Variants in DLG3 observed in about 807,000 individuals in gnomAD.
DLG3 encodes discs large MAGUK scaffold protein 3, also known as disks large homolog 3.
A neutral mutation model predicts 64.1 loss-of-function variants in DLG3; 1 was observed. That is an observed-to-expected ratio of 0.02 (90% CI 0.01 to 0.07). The LOEUF (loss-of-function observed/expected upper bound fraction) is 0.07. Ranked by LOEUF, DLG3 falls within the 10% of genes least tolerant of loss-of-function variation. The probability of loss-of-function intolerance (pLI) is 1.00; values close to 1 mark genes in which losing one functional copy is unlikely to be tolerated. For synonymous variants in DLG3, 245 were observed against 259.8 expected, an observed-to-expected ratio of 0.94 and a Z score of 0.55; for missense variants, 429 against 669.5, an observed-to-expected ratio of 0.64 and a Z score of 3.96.
chrX:70,491,160 G>A (rs771076378), intron 10 of DLG3, among the ~76,000 whole-genome samples: 2 of 111,551 alleles, frequency 1.8e-5, no homozygotes, highest in African/African-American at 6.5e-5. Context: ...TGATCCACCC[G>A]CCTCAGCCTC....
At chrX:70,456,428 G>A (rs764380697) in intron 9 of DLG3, among the ~76,000 whole-genome samples, 14 of 112,263 alleles carry the variant, frequency 1.2e-4, no homozygotes, top group Non-Finnish European at 2.4e-4. Context: ...ACTGTGAATT[G>A]TGTGTGGTGG....
At chrX:70,492,012 C>T in intron 10 of DLG3, 95 bp from the exon 11 acceptor site, 1 of 894,699 alleles carries the variant, frequency 1.1e-6, no homozygotes, top group South Asian at 2.1e-5. Context: ...GCTGCTATGT[C>T]TGTGCTGTTT....
At chrX:70,446,357 G>A (rs1449240803) in intron 1 of DLG3, among the ~76,000 whole-genome samples, 1 of 107,720 alleles carries the variant, frequency 9.3e-6, no homozygotes, top group Non-Finnish European at 1.9e-5. Context: ...CCCAAGCAAG[G>A]CTGAGAGGCT....
intron 9 of DLG3, chrX:70,455,205 G>C: frequency 1.3e-6 from 1 of 754,653 alleles, no homozygotes; most frequent in African/African-American, 2.3e-5. Flanking sequence ...GCGGGACGGA[G>C]GGACTGGCCG....
chrX:70,485,297 G>A (rs560257052), intron 10 of DLG3, among the ~76,000 whole-genome samples: 13 of 111,921 alleles, frequency 1.2e-4, no homozygotes, highest in African/African-American at 2.9e-4. Context: ...CACTTTGGCG[G>A]TGTAATATGA....
intron 10 of DLG3, among the ~76,000 whole-genome samples, chrX:70,491,815 G>A (rs941505795): frequency 8.9e-6 from 1 of 112,440 alleles, no homozygotes; most frequent in African/African-American, 3.2e-5. Flanking sequence ...GGGCTATTGA[G>A]CGAGTTCTAC....
At chrX:70,497,965 G>C (rs73216736) in intron 13 of DLG3, among the ~76,000 whole-genome samples, 12,895 of 111,547 alleles carry the variant, frequency 0.12, 616 homozygotes, top group Middle Eastern at 0.17. Context: ...ACCAGGAAGA[G>C]ACAGCAGGTT....
chrX:70,445,693 C>A, intron 1 of DLG3, 135 bp downstream of exon 1: 1 of 580,724 alleles, frequency 1.7e-6, no homozygotes, highest in East Asian at 3.6e-5. Flanking sequence ...TGCAGCTGGG[C>A]AAAGAGAGGC....
intron 9 of DLG3, among the ~76,000 whole-genome samples, chrX:70,478,536 TAACTC>T (rs1483950828): frequency 3.6e-5 from 4 of 111,675 alleles, no homozygotes; most frequent in Admixed American, 9.5e-5. Context: ...AAAAGGGAAA[TAACTC>T]AGGAGAGCTT....
In DLG3 at chrX:70,464,073, C is replaced by G. The variant is rs1435588718; in HGVS notation, c.1405+9757C>G. Among the ~76,000 whole-genome samples the G allele has an allele frequency of 3.6e-5, 4 of 110,113 alleles. No homozygotes were observed. The Admixed American group carries it at 3.9e-4, about 11-fold the overall frequency. ...TAGAGACAAGATCTTACTATGTTGC[C>G]CAGGCTGGTCTTGAACTCCTGGGCT... On this transcript the variant is annotated intron_variant, in intron 9 of 18. Transcript: ENST00000374360.
Position 70,454,209 on chromosome X carries a change from G to GA in DLG3, c.1303-4dup. The GA allele has an allele frequency of 1.7e-6, 2 of 1,209,184 alleles. No individual in the cohort carries two copies. Among genetic ancestry groups the GA allele is most frequent in the Non-Finnish European group, 2.2e-6 (2 of 893,331 alleles). ...GGGTGGCTCACAGCTTCTCTCTTTG[G>GA]ACAGGTGAATGGAGTGAATCTGAGG... On this transcript the variant is annotated splice_polypyrimidine_tract_variant and splice_region_variant and intron_variant, in intron 8 of 18. Coordinates refer to ENST00000374360, the MANE Select transcript of DLG3 (RefSeq NM_021120.4).
intron 13 of DLG3, among the ~76,000 whole-genome samples, chrX:70,497,710 A>G (rs142047973): frequency 6.9e-4 from 77 of 112,150 alleles, no homozygotes; most frequent in African/African-American, 2.4e-3. Context: ...CGTAATTCAA[A>G]CCTCATGAAC....
rs1291513788 is a variant in DLG3 at position 70,504,006 on chromosome X, A to G, written c.*1737A>G. The stretch of plus-strand genomic sequence containing the variant: ...AGCGAGGCAATGTTGAGGATGCTTT[A>G]AGCACTACCAGCCGAATCCGGGAAC... On this transcript the variant is annotated 3_prime_UTR_variant, in exon 19 of 19. Transcript: ENST00000374360. 1 of 111,874 alleles carries G rather than the reference A, an allele frequency of 8.9e-6. No homozygotes were observed. Among genetic ancestry groups the G allele is most frequent in the Non-Finnish European group, 1.9e-5 (1 of 53,124 alleles). The allele number at this position is 111,874 out of a possible 1,213,427, so 9.2% of individuals were successfully genotyped here. A position where few individuals can be genotyped will look rare whatever the true frequency, so the allele number is the denominator to read the frequency against.
intron 7 of DLG3, chrX:70,452,234 C>G: frequency 9.3e-7 from 1 of 1,078,355 alleles, no homozygotes; most frequent in Non-Finnish European, 1.2e-6. Context: ...GCTCTACCAT[C>G]AGGGGGAGTG....
At chrX:70,463,885 G>A (rs2086843775) in intron 9 of DLG3, among the ~76,000 whole-genome samples, 1 of 111,675 alleles carries the variant, frequency 9.0e-6, no homozygotes, top group Non-Finnish European at 1.9e-5. Context: ...CTCTTTTATT[G>A]TTTAAATTAG....
chrX:70,496,695 G>T (rs1357409792), intron 13 of DLG3, among the ~76,000 whole-genome samples: 2 of 112,431 alleles, frequency 1.8e-5, no homozygotes, highest in Non-Finnish European at 3.8e-5. Context: ...AGCGCTCCCT[G>T]GTGTCTGCTT....
intron 9 of DLG3, among the ~76,000 whole-genome samples, chrX:70,461,785 C>G (rs1319739736): frequency 1.8e-5 from 2 of 111,195 alleles, no homozygotes; most frequent in Admixed American, 1.9e-4. Flanking sequence ...GTCTTGAACT[C>G]CTGACCTCAG....
At chrX:70,481,922 C>T (rs981909190) in intron 10 of DLG3, among the ~76,000 whole-genome samples, 1 of 112,013 alleles carries the variant, frequency 8.9e-6, no homozygotes, top group African/African-American at 3.2e-5. Context: ...CAAATCCTGC[C>T]GTATAAATGA....
chrX:70,491,047 G>T (rs1420475933), intron 10 of DLG3, among the ~76,000 whole-genome samples: 1 of 110,404 alleles, frequency 9.1e-6, no homozygotes, highest in African/African-American at 3.3e-5. Flanking sequence ...CGAGTAGCTG[G>T]GACTGCAGGC....
Sources: allele counts gnomAD v4.1 joint callset (sites outside exome capture counted in the v4.1 genomes callset), GRCh38; gene constraint gnomAD v4.1.1; transcripts MANE v1.5; gene names NCBI Gene and HGNC (gene_info 2026-07-23, HGNC 2026-07-21).